The following CTNNA2 variants were observed in gnomAD, a reference collection of about 807,000 sequenced individuals.
The protein encoded by CTNNA2 is catenin alpha 2, also known as catenin alpha-2.
Under a neutral mutation model 101.0 loss-of-function variants are expected in CTNNA2, and 42 were observed. The ratio of observed to expected loss-of-function variants is 0.42; its 90% CI spans 0.32 to 0.54. CTNNA2 has a LOEUF of 0.54. Among genes scored for constraint, CTNNA2 ranks in the 20% least tolerant of loss-of-function variants. The pLI is 0.14. For missense variants in CTNNA2, 871 were observed against 1,223.1 expected, an observed-to-expected ratio of 0.71 and a Z score of 4.29; for synonymous variants, 450 against 456.4, an observed-to-expected ratio of 0.99 and a Z score of 0.18.
chr2:79,512,361 T>G (rs1284056427), upstream of CTNNA2, among the ~76,000 whole-genome samples: 2 of 152,068 alleles, frequency 1.3e-5, no homozygotes, highest in Non-Finnish European at 2.9e-5. Context: ...GAGCAAATAT[T>G]CCAGTTGTTT....
At chr2:80,345,201 G>A (rs916138037) in intron 7 of CTNNA2, among the ~76,000 whole-genome samples, 5 of 152,158 alleles carry the variant, frequency 3.3e-5, no homozygotes, top group Non-Finnish European at 5.9e-5. Flanking sequence ...TGCCACATCT[G>A]TGGCCCCCTC....
intron 2 of CTNNA2, among the ~76,000 whole-genome samples, chr2:79,682,584 T>C (rs990043913): frequency 2.0e-5 from 3 of 152,112 alleles, no homozygotes; most frequent in Non-Finnish European, 4.4e-5. Context: ...TAAAACATTT[T>C]AGAATGTTCT....
At chr2:79,451,377 T>G (rs992084021) in intron 4 of CTNNA2, among the ~76,000 whole-genome samples, 1 of 152,110 alleles carries the variant, frequency 6.6e-6, no homozygotes. Context: ...TTGAAAAATT[T>G]TATTACATTA....
At chr2:80,615,513 T>G (rs2149796467) in intron 17 of CTNNA2, among the ~76,000 whole-genome samples, 1 of 150,468 alleles carries the variant, frequency 6.6e-6, no homozygotes, top group African/African-American at 2.4e-5. Context: ...CTGTCCCTTG[T>G]GTTTTTATTA....
At chr2:79,368,577 C>G (rs1677801126) in intron 3 of CTNNA2, among the ~76,000 whole-genome samples, 1 of 152,102 alleles carries the variant, frequency 6.6e-6, no homozygotes, top group South Asian at 2.1e-4. Context: ...CTGATGCTTC[C>G]CCCGAACCAC....
chr2:80,575,562 T>A (rs1256146145), intron 13 of CTNNA2, among the ~76,000 whole-genome samples: 2 of 152,132 alleles, frequency 1.3e-5, no homozygotes, highest in East Asian at 3.9e-4. Flanking sequence ...AGAAATTAGA[T>A]CATTTTTGTA....
intron 3 of CTNNA2, among the ~76,000 whole-genome samples, chr2:79,852,312 T>C (rs1680782428): frequency 6.6e-6 from 1 of 152,218 alleles, no homozygotes; most frequent in South Asian, 2.1e-4. Context: ...TTAGTTCTCT[T>C]AAGGAGCACA....
At chr2:80,104,119 T>A (rs539079219) in intron 7 of CTNNA2, among the ~76,000 whole-genome samples, 1 of 152,326 alleles carries the variant, frequency 6.6e-6, no homozygotes, top group Non-Finnish European at 1.5e-5. Flanking sequence ...AGATTGCCAA[T>A]CTCTCAGGCA....
Position 79,216,299 on chromosome 2 carries a change from G to A in CTNNA2, c.-406+18223G>A, listed in dbSNP as rs529818148. On this transcript the variant is annotated intron_variant, in intron 2 of 21. Transcript: ENST00000466387. ...AAGAAGGAGGAATGGAGGGTGGAAG[G>A]TTGCCCATAATGAAGGAGGCAAGCC... Among the ~76,000 whole-genome samples, 8 of 148,280 alleles carry A rather than the reference G, an allele frequency of 5.4e-5. No individual in the cohort carries two copies. In the South Asian group the frequency reaches 8.8e-4, roughly 16 times the overall value.
At chr2:80,019,538 G>C (rs559908197) in intron 7 of CTNNA2, among the ~76,000 whole-genome samples, 21 of 152,264 alleles carry the variant, frequency 1.4e-4, no homozygotes, top group Admixed American at 5.2e-4. Flanking sequence ...CAGTCAATTT[G>C]AATTTTTCAA....
intron 3 of CTNNA2, among the ~76,000 whole-genome samples, chr2:79,812,093 C>T (rs1677087478): frequency 6.6e-6 from 1 of 152,148 alleles, no homozygotes; most frequent in Non-Finnish European, 1.5e-5. Flanking sequence ...GACCTTATAT[C>T]CTGTGACCTT....
chr2:80,593,152 C>T (rs1241390285), intron 15 of CTNNA2, among the ~76,000 whole-genome samples: 1 of 152,030 alleles, frequency 6.6e-6, no homozygotes, highest in African/African-American at 2.4e-5. Flanking sequence ...ATGAGATTAC[C>T]CATAGCATCT....
At chr2:79,923,408 TTGAG>T (rs1686804603) in intron 7 of CTNNA2, among the ~76,000 whole-genome samples, 1 of 151,692 alleles carries the variant, frequency 6.6e-6, no homozygotes, top group Non-Finnish European at 1.5e-5. Context: ...GCTTGCAATT[TTGAG>T]TAGGAGAGAA....
chr2:79,780,854 AGAG>A (rs1674366650), intron 3 of CTNNA2, among the ~76,000 whole-genome samples: 1 of 152,236 alleles, frequency 6.6e-6, no homozygotes, highest in Admixed American at 6.5e-5. Context: ...CATTCAATAT[AGAG>A]AAGAAGATTT....
chr2:79,922,107 AT>A (rs1252023743), intron 7 of CTNNA2, among the ~76,000 whole-genome samples: 1 of 152,112 alleles, frequency 6.6e-6, no homozygotes, highest in Non-Finnish European at 1.5e-5. Flanking sequence ...GGTATCATAC[AT>A]TTCCTTTTTC....
chr2:79,378,538 A>G (rs1051614696), intron 4 of CTNNA2, among the ~76,000 whole-genome samples: 1 of 152,178 alleles, frequency 6.6e-6, no homozygotes, highest in Non-Finnish European at 1.5e-5. Flanking sequence ...ACCTAACAAC[A>G]TGGAAAATAC....
chr2:80,419,701 G>T, intron 9 of CTNNA2, 100 bp downstream of exon 9: 17 of 1,280,094 alleles, frequency 1.3e-5, no homozygotes, highest in Non-Finnish European at 1.8e-5. Context: ...TTGTATTTTT[G>T]GAGAAATAAA....
At chr2:80,520,541 C>T (rs1219322058) in intron 9 of CTNNA2, among the ~76,000 whole-genome samples, 1 of 152,164 alleles carries the variant, frequency 6.6e-6, no homozygotes, top group Admixed American at 6.6e-5. Flanking sequence ...TGGTCGGGTT[C>T]TGATGAGGGC....
chr2:79,542,090 G>A (rs1051232030), intron 1 of CTNNA2, among the ~76,000 whole-genome samples: 14 of 151,764 alleles, frequency 9.2e-5, no homozygotes, highest in South Asian at 6.2e-4. Context: ...TTCTGCAACT[G>A]AAATGTGCCG....
Sources: allele counts gnomAD v4.1 joint callset (sites outside exome capture counted in the v4.1 genomes callset), GRCh38; gene constraint gnomAD v4.1.1; transcripts MANE v1.5; gene names NCBI Gene and HGNC (gene_info 2026-07-23, HGNC 2026-07-21).